ATG2B: variants seen among roughly 807,000 people sequenced by gnomAD.
The protein encoded by ATG2B is autophagy-related protein 2 homolog B.
Under a neutral mutation model 241.3 loss-of-function variants are expected in ATG2B, and 121 were observed. The observed-to-expected ratio is 0.50, with a 90% CI of 0.43 to 0.58. The LOEUF (loss-of-function observed/expected upper bound fraction) is 0.58, where lower values mean the gene tolerates loss of function less well. ATG2B is among the 20% of genes least tolerant of loss of function. ATG2B has a pLI of 0.00. For missense variants in ATG2B, 2,306 were observed against 2,491.6 expected (o/e 0.93, Z 1.59); for synonymous variants, 858 against 876.6 (o/e 0.98, Z 0.37).
intron 34 of ATG2B, 96 bp downstream of exon 34, chr14:96,301,911 A>G (rs796900592): frequency 1.3e-5 from 13 of 986,052 alleles, no homozygotes; most frequent in Non-Finnish European, 2.0e-5. Flanking sequence ...TGTAACCGCC[A>G]TAAAAGTTCA....
intron 18 of ATG2B, among the ~76,000 whole-genome samples, chr14:96,319,201 A>T (rs1231192105): frequency 6.6e-6 from 1 of 152,240 alleles, no homozygotes; most frequent in East Asian, 1.9e-4. Context: ...TCAGGAGATT[A>T]TAATCCACTC....
At position 96,290,316 on chromosome 14, in the gene ATG2B, C is replaced by A. The variant is rs988116854; in HGVS notation, c.5856+120G>T. ...AAACAAGCATGACATTAAATCACTACGAATAAAGTATCTACTCACAACATT... is the reference window on the plus strand; with the variant it reads ...AAACAAGCATGACATTAAATCACTAAGAATAAAGTATCTACTCACAACATT... On this transcript the variant is annotated intron_variant, in intron 40 of 41. Coordinates refer to ENST00000359933, the MANE Select transcript of ATG2B (RefSeq NM_018036.7). This position sits in a 1 kb window ranked among gnomAD's most constrained non-coding sequence, Gnocchi z 4.4. 3 of 1,346,296 alleles carry A rather than the reference C, an allele frequency of 2.2e-6. No homozygotes were observed. The highest frequency in any genetic ancestry group is 3.0e-6 in the Non-Finnish European group (3 of 995,598). The allele number at this position is 1,346,296 out of a possible 1,614,324, so 83.4% of individuals were successfully genotyped here. A position where few individuals can be genotyped will look rare whatever the true frequency, so the allele number is the denominator to read the frequency against.
intron 16 of ATG2B, 86 bp from the exon 17 acceptor site, chr14:96,322,821 ACTGG>A: frequency 9.4e-7 from 1 of 1,063,650 alleles, no homozygotes; most frequent in Non-Finnish European, 1.4e-6. Flanking sequence ...TACACACACC[ACTGG>A]TTAAATCTTA....
rs1310897313 is a variant in ATG2B, at chr14:96,284,279, C to T, written c.*1476G>A. On this transcript the variant is annotated 3_prime_UTR_variant, in exon 42 of 42. Transcript: ENST00000359933. ...CACGGTGCTTAAACAGGTGGTTACG[C>T]TGTTGTCTTTTTAAGTTTTTTGGCA... is the stretch of plus-strand genomic sequence containing the variant. 6.6e-6 allele frequency: 1 copy of T among 152,166 alleles called. No homozygotes were observed. The highest frequency in any genetic ancestry group is 1.5e-5 in the Non-Finnish European group (1 of 68,022). The allele number at this position is 152,166 out of a possible 1,614,324, so 9.4% of individuals were successfully genotyped here.
chr14:96,334,080 T>C (rs941818316), intron 7 of ATG2B, among the ~76,000 whole-genome samples: 9 of 152,142 alleles, frequency 5.9e-5, no homozygotes, highest in Non-Finnish European at 1.2e-4. Context: ...ATAGAAGCCA[T>C]TGAAAATATT....
chr14:96,314,229 G>T (rs550075956), intron 23 of ATG2B, among the ~76,000 whole-genome samples: 2 of 152,146 alleles, frequency 1.3e-5, no homozygotes, highest in Non-Finnish European at 2.9e-5. Context: ...TTTAAATAAT[G>T]TATTATTTTC....
intron 23 of ATG2B, among the ~76,000 whole-genome samples, chr14:96,314,494 A>G (rs962618884): frequency 6.6e-5 from 10 of 152,202 alleles, no homozygotes; most frequent in African/African-American, 2.4e-4. Flanking sequence ...AGAACTTCTG[A>G]TTATAAAAGC....
At chr14:96,288,287 T>C (rs1035206647) in intron 41 of ATG2B, among the ~76,000 whole-genome samples, 5 of 152,232 alleles carry the variant, frequency 3.3e-5, no homozygotes, top group Non-Finnish European at 5.9e-5. Flanking sequence ...GTGATTACCA[T>C]ATATTTGGCA....
chr14:96,361,018 C>T (rs1290652035), intron 1 of ATG2B, among the ~76,000 whole-genome samples: 1 of 150,614 alleles, frequency 6.6e-6, no homozygotes, highest in Non-Finnish European at 1.5e-5. Context: ...AAGGGTCACA[C>T]TAAGATTTAT....
At chr14:96,309,887 C>A (rs1047718317) in intron 28 of ATG2B, among the ~76,000 whole-genome samples, 1 of 152,084 alleles carries the variant, frequency 6.6e-6, no homozygotes, top group Non-Finnish European at 1.5e-5. Context: ...TGCAATAAAG[C>A]TGGGAAAGAA....
chr14:96,334,012 G>A (rs1415590013), intron 7 of ATG2B, 139 bp from the exon 8 acceptor site: 12 of 712,242 alleles, frequency 1.7e-5, no homozygotes, highest in South Asian at 1.4e-4. Context: ...GTGAGTCAGA[G>A]CTCTAAGCAA....
chr14:96,305,232 C>T (rs1436500082), intron 31 of ATG2B, among the ~76,000 whole-genome samples: 1 of 152,104 alleles, frequency 6.6e-6, no homozygotes, highest in African/African-American at 2.4e-5. Flanking sequence ...AGGGCATGCC[C>T]GACCCCACCT....
chr14:96,330,401 G>A (rs1048642626), intron 11 of ATG2B, among the ~76,000 whole-genome samples: 4 of 152,128 alleles, frequency 2.6e-5, no homozygotes, highest in African/African-American at 7.2e-5. Flanking sequence ...TTAAACCACC[G>A]TATAAGATGT....
At chr14:96,301,285 G>A (rs1886781905) in intron 34 of ATG2B, among the ~76,000 whole-genome samples, 1 of 144,358 alleles carries the variant, frequency 6.9e-6, no homozygotes, top group African/African-American at 2.6e-5. Flanking sequence ...GAGATGTTCA[G>A]TAACTTACCC....
At chr14:96,294,298 T>C (rs888211386) in intron 36 of ATG2B, among the ~76,000 whole-genome samples, 2 of 152,198 alleles carry the variant, frequency 1.3e-5, no homozygotes, top group African/African-American at 4.8e-5. Context: ...GGCACTGATC[T>C]TCAGTCCCTT....
chr14:96,334,007 T>A, intron 7 of ATG2B, 134 bp from the exon 8 acceptor site: 1 of 732,606 alleles, frequency 1.4e-6, no homozygotes, highest in East Asian at 2.7e-5. Context: ...ATTTAGTGAG[T>A]CAGAGCTCTA....
At chr14:96,347,485 A>G (rs1888201053) in intron 1 of ATG2B, 144 bp from the exon 2 acceptor site, 3 of 565,966 alleles carry the variant, frequency 5.3e-6, no homozygotes, top group Non-Finnish European at 8.8e-6. Flanking sequence ...AGGCAATCAA[A>G]GCAAAAGTGG....
At chr14:96,336,118 T>C (rs1424775595) in intron 6 of ATG2B, among the ~76,000 whole-genome samples, 1 of 150,188 alleles carries the variant, frequency 6.7e-6, no homozygotes, top group Admixed American at 6.6e-5. Context: ...AACACAGACT[T>C]ACACACTACT....
At chr14:96,308,269 T>TAC (rs1566719905) in intron 29 of ATG2B, among the ~76,000 whole-genome samples, 9 of 26,518 alleles carry the variant, frequency 3.4e-4, no homozygotes, top group Non-Finnish European at 6.7e-4. Flanking sequence ...TATATATATA[T>TAC]ATATATATAT....
Sources: allele counts gnomAD v4.1 joint callset (sites outside exome capture counted in the v4.1 genomes callset), GRCh38; gene constraint gnomAD v4.1.1; non-coding constraint Gnocchi (gnomAD v3.1); transcripts MANE v1.5; gene names NCBI Gene and HGNC (gene_info 2026-07-23, HGNC 2026-07-21).